The following HDAC9 variants were observed in gnomAD, a reference collection of about 807,000 sequenced individuals.
HDAC9 encodes the protein histone deacetylase 9.
Under a neutral mutation model 139.4 loss-of-function variants are expected in HDAC9, and 41 were observed. The ratio of observed to expected loss-of-function variants is 0.29; its 90% CI spans 0.23 to 0.38. HDAC9 has a LOEUF of 0.38. Among genes scored for constraint, HDAC9 ranks in the 10% least tolerant of loss-of-function variants. The pLI, the probability that HDAC9 is intolerant of heterozygous loss-of-function variation, is 1.00. For missense variants in HDAC9, 1,147 were observed against 1,297.0 expected, an observed-to-expected ratio of 0.88 and a Z score of 1.78; for synonymous variants, 517 against 476.2, an observed-to-expected ratio of 1.09 and a Z score of -1.12.
intron 22 of HDAC9, among the ~76,000 whole-genome samples, chr7:18,896,569 G>T (rs1483299981): frequency 6.6e-6 from 1 of 152,042 alleles, no homozygotes; most frequent in Non-Finnish European, 1.5e-5. Flanking sequence ...TGTTAAAACT[G>T]CCCAGACCCC....
intron 2 of HDAC9, among the ~76,000 whole-genome samples, chr7:18,186,789 T>C (rs1789948799): frequency 6.6e-6 from 1 of 152,248 alleles, no homozygotes; most frequent in Non-Finnish European, 1.5e-5. Flanking sequence ...TAATGTACTG[T>C]AAAAACTCTA....
intron 1 of HDAC9, among the ~76,000 whole-genome samples, chr7:18,150,448 A>G (rs1786690832): frequency 6.6e-6 from 1 of 152,216 alleles, no homozygotes; most frequent in Non-Finnish European, 1.5e-5. Flanking sequence ...AGTGAATTGC[A>G]TACACACTGC....
At chr7:18,341,179 A>T (rs1201649524) in intron 1 of HDAC9, among the ~76,000 whole-genome samples, 2 of 151,014 alleles carry the variant, frequency 1.3e-5, no homozygotes, top group African/African-American at 4.9e-5. Flanking sequence ...GAGAAATTTG[A>T]TGATAATGTG....
chr7:18,405,602 G>A (rs1787934601), intron 1 of HDAC9, among the ~76,000 whole-genome samples: 1 of 152,078 alleles, frequency 6.6e-6, no homozygotes, highest in Non-Finnish European at 1.5e-5. Context: ...TTCTTAGAAA[G>A]GTAATGGAGA....
chr7:18,674,905 T>C (rs947292718), intron 12 of HDAC9, among the ~76,000 whole-genome samples: 128 of 152,118 alleles, frequency 8.4e-4, no homozygotes, highest in African/African-American at 3.0e-3. Context: ...ACTCACACCA[T>C]ATTAATTTTT....
chr7:18,795,263 A>G (rs1792693666), intron 17 of HDAC9, among the ~76,000 whole-genome samples: 2 of 141,962 alleles, frequency 1.4e-5, no homozygotes, highest in African/African-American at 5.0e-5. Flanking sequence ...ACAGTAAAAA[A>G]AAAAAAAAAA....
chr7:18,765,080 T>C (rs1789713955), intron 15 of HDAC9, among the ~76,000 whole-genome samples: 1 of 152,200 alleles, frequency 6.6e-6, no homozygotes, highest in African/African-American at 2.4e-5. Context: ...TCCAGTCGTC[T>C]TGAGGCTAGC....
intron 2 of HDAC9, among the ~76,000 whole-genome samples, chr7:18,520,696 C>A (rs1483343003): frequency 3.3e-5 from 5 of 152,128 alleles, no homozygotes; most frequent in Non-Finnish European, 5.9e-5. Flanking sequence ...AACAGTCCTA[C>A]TACCGTAAAT....
intron 2 of HDAC9, among the ~76,000 whole-genome samples, chr7:18,198,938 A>G (rs547374709): frequency 6.6e-6 from 1 of 152,288 alleles, no homozygotes; most frequent in South Asian, 2.1e-4. Flanking sequence ...AATTAACATT[A>G]TAATTGTCTT....
chr7:18,331,160 C>G lies in HDAC9; in HGVS notation c.-42+40645C>G, dbSNP rs147054084. Among the ~76,000 whole-genome samples the G allele has an allele frequency of 2.5e-3, 378 of 151,714 alleles. 2 individuals are homozygous for G. Among genetic ancestry groups the G allele is most frequent in the African/African-American group, 8.6e-3 (356 of 41,464 alleles). On this transcript the variant is annotated intron_variant, in intron 1 of 3. Transcript: ENST00000413509. ...TGAAGTGATCACATGTGCAGAGCCT[C>G]TTAGCTTTTGTTTTAATTGTTCCTT...
At chr7:18,704,883 A>G (rs1783764286) in intron 12 of HDAC9, among the ~76,000 whole-genome samples, 1 of 152,194 alleles carries the variant, frequency 6.6e-6, no homozygotes, top group Non-Finnish European at 1.5e-5. Flanking sequence ...ATTAGTTAAA[A>G]ATGGTTTTCA....
At chr7:18,797,359 A>G (rs1449286091) in intron 17 of HDAC9, among the ~76,000 whole-genome samples, 1 of 152,152 alleles carries the variant, frequency 6.6e-6, no homozygotes, top group Admixed American at 6.5e-5. Flanking sequence ...AACATTTGAG[A>G]CATACAAAAA....
intron 12 of HDAC9, among the ~76,000 whole-genome samples, chr7:18,705,286 G>A (rs544074485): frequency 2.7e-4 from 41 of 152,154 alleles, no homozygotes; most frequent in Admixed American, 1.8e-3. Flanking sequence ...TTTTAACAGC[G>A]TCCCTGACTC....
intron 2 of HDAC9, among the ~76,000 whole-genome samples, chr7:18,569,562 C>T (rs1319578717): frequency 6.6e-6 from 1 of 152,160 alleles, no homozygotes; most frequent in East Asian, 1.9e-4. Flanking sequence ...TTCTGTAATG[C>T]TGATGGTTTT....
At chr7:18,689,909 T>C (rs1359580968) in intron 12 of HDAC9, among the ~76,000 whole-genome samples, 1 of 152,064 alleles carries the variant, frequency 6.6e-6, no homozygotes, top group Non-Finnish European at 1.5e-5. Flanking sequence ...TGCATATATC[T>C]ATAAGTCAGG....
At chr7:18,336,681 T>G (rs1249765441) in intron 1 of HDAC9, among the ~76,000 whole-genome samples, 2 of 151,680 alleles carry the variant, frequency 1.3e-5, no homozygotes, top group African/African-American at 4.8e-5. Context: ...TACTTCATTA[T>G]GCTAATTTCA....
intron 22 of HDAC9, among the ~76,000 whole-genome samples, chr7:18,918,375 G>A (rs1377035409): frequency 4.6e-5 from 7 of 151,906 alleles, no homozygotes; most frequent in African/African-American, 9.7e-5. Flanking sequence ...AGAATGTGAT[G>A]GCACTAGGCC....
chr7:18,244,994 C>CATCTATCTATCTATCTATCTATCTATCT (rs1554342548), intron 2 of HDAC9, among the ~76,000 whole-genome samples: 4 of 147,960 alleles, frequency 2.7e-5, no homozygotes, highest in African/African-American at 7.6e-5. Flanking sequence ...ATCTAATCTG[C>CATCTATCTATCTATCTATCTATCTATCT]ATCTATCTAT....
intron 22 of HDAC9, among the ~76,000 whole-genome samples, chr7:18,929,613 A>T (rs2853557): frequency 0.44 from 66,398 of 151,714 alleles, 14,926 homozygotes; most frequent in Non-Finnish European, 0.47. Flanking sequence ...TTCCTAAAAT[A>T]AAAGCTTAAG....
Sources: allele counts gnomAD v4.1 joint callset (sites outside exome capture counted in the v4.1 genomes callset), GRCh38; gene constraint gnomAD v4.1.1; transcripts MANE v1.5; gene names NCBI Gene and HGNC (gene_info 2026-07-23, HGNC 2026-07-21).